Variants in ITGB8 observed in about 807,000 individuals in gnomAD.
ITGB8 encodes the protein integrin beta-8.
ITGB8 carries 30 observed loss-of-function variants against 89.5 expected under a neutral mutation model. The observed-to-expected ratio is 0.34, with a 90% CI of 0.25 to 0.45. ITGB8 has a LOEUF of 0.45. Among genes scored for constraint, ITGB8 ranks in the 20% least tolerant of loss-of-function variants. The probability of loss-of-function intolerance (pLI) is 1.00; values close to 1 mark genes in which losing one functional copy is unlikely to be tolerated. For synonymous variants in ITGB8, 335 were observed against 320.4 expected, an observed-to-expected ratio of 1.05 and a Z score of -0.49; for missense variants, 836 against 933.3, an observed-to-expected ratio of 0.90 and a Z score of 1.36.
At chr7:20,367,323 T>G (rs1785740836) in intron 3 of ITGB8, 137 bp downstream of exon 3, 1 of 698,540 alleles carries the variant, frequency 1.4e-6, no homozygotes, top group Non-Finnish European at 2.4e-6. Context: ...ATCAAGAAAT[T>G]AGAATTCTAG....
intron 6 of ITGB8, among the ~76,000 whole-genome samples, chr7:20,387,570 G>A (rs564409256): frequency 1.2e-4 from 18 of 152,184 alleles, no homozygotes; most frequent in Non-Finnish European, 2.2e-4. Flanking sequence ...CTCAACTGGA[G>A]TGATTTTACC....
chr7:20,376,125 CG>C (rs1230231897), intron 3 of ITGB8, among the ~76,000 whole-genome samples: 3 of 152,064 alleles, frequency 2.0e-5, no homozygotes, highest in Non-Finnish European at 4.4e-5. Context: ...CCATTAAGCA[CG>C]TGATGAAACT....
chr7:20,339,311 T>C (rs566034210), intron 1 of ITGB8, among the ~76,000 whole-genome samples: 1 of 152,290 alleles, frequency 6.6e-6, no homozygotes, highest in East Asian at 1.9e-4. Context: ...AATGACTATA[T>C]AGAAAAAGCA....
chr7:20,337,468 G>A (rs1209011369), intron 1 of ITGB8, among the ~76,000 whole-genome samples: 3 of 152,084 alleles, frequency 2.0e-5, no homozygotes, highest in Non-Finnish European at 2.9e-5. Flanking sequence ...ATTAAGTTTT[G>A]TGTATTATTT....
At chr7:20,358,810 TC>T (rs1197771673) in intron 1 of ITGB8, among the ~76,000 whole-genome samples, 1 of 152,212 alleles carries the variant, frequency 6.6e-6, no homozygotes, top group Non-Finnish European at 1.5e-5. Context: ...TGATCCGATC[TC>T]CCAGATACTA....
In ITGB8 at chr7:20,361,007, C is replaced by G. The variant is rs1785482922; in HGVS notation, c.128-2630C>G. ...GTTCCTTTTTTTTTCACAACCTTGC[C>G]AGCATCTGTTGTTTCTTGACTTTTT... On this transcript the variant is annotated intron_variant, in intron 1 of 13. Transcript: ENST00000222573. 2.0e-5 allele frequency among the ~76,000 whole-genome samples: 3 copies of G among 149,612 alleles called. No homozygotes were observed. The South Asian group carries it at 6.3e-4, about 32-fold the overall frequency.
chr7:20,404,519 T>A (rs545344205), intron 10 of ITGB8, 109 bp from the exon 11 acceptor site: 20 of 854,798 alleles, frequency 2.3e-5, no homozygotes, highest in Non-Finnish European at 3.8e-5. Flanking sequence ...TTCCCATTCA[T>A]TGGACTGTCA....
rs1283136330 is a variant in ITGB8 at position 20,414,900 on chromosome 7, C to T, written c.*4903C>T. On this transcript the variant is annotated 3_prime_UTR_variant, in exon 14 of 14. Coordinates refer to ENST00000222573, the MANE Select transcript of ITGB8 (RefSeq NM_002214.3). ...TTCTTCTAGCCTCTGCAACCTACTTCAGTTAGAATTGTCTAATACTGCTCT... is the reference window on the plus strand; with the variant it reads ...TTCTTCTAGCCTCTGCAACCTACTTTAGTTAGAATTGTCTAATACTGCTCT... 1.3e-5 allele frequency: 2 copies of T among 152,462 alleles called. No individual in the cohort carries two copies. The highest frequency in any genetic ancestry group is 2.9e-5 in the Non-Finnish European group (2 of 67,958). 9.4% of individuals were successfully genotyped at this position (152,462 alleles called of 1,614,324 possible).
At chr7:20,399,513 G>A (rs1361403918) in intron 9 of ITGB8, among the ~76,000 whole-genome samples, 1 of 151,350 alleles carries the variant, frequency 6.6e-6, no homozygotes, top group African/African-American at 2.4e-5. Flanking sequence ...TATCTAGAAG[G>A]AGGTAGGGAA....
intron 1 of ITGB8, among the ~76,000 whole-genome samples, chr7:20,344,408 G>A (rs976070995): frequency 1.3e-5 from 2 of 152,140 alleles, no homozygotes; most frequent in Admixed American, 1.3e-4. Flanking sequence ...TTTGCGAGAT[G>A]GTCTTAAAAT....
intron 3 of ITGB8, among the ~76,000 whole-genome samples, chr7:20,368,567 A>G (rs983225247): frequency 6.6e-5 from 10 of 152,074 alleles, no homozygotes; most frequent in African/African-American, 2.4e-4. Context: ...AAATATGCCT[A>G]TTTTTCTAAT....
chr7:20,411,237 C>T lies in ITGB8; in HGVS notation c.*1240C>T, dbSNP rs2127989748. 6.9e-6 allele frequency: 1 copy of T among 144,532 alleles called. No homozygotes were observed. The highest frequency in any genetic ancestry group is 2.1e-4 in the East Asian group (1 of 4,840). 9.0% of individuals were successfully genotyped at this position (144,532 alleles called of 1,614,324 possible). On this transcript the variant is annotated 3_prime_UTR_variant, in exon 14 of 14. Transcript: ENST00000222573. ...TGGCGCAATTAGGGTTCACTGCAACCTCTGCCTCCCGGGTTCAAGCAGTTC... is the reference window on the plus strand; with the variant it reads ...TGGCGCAATTAGGGTTCACTGCAACTTCTGCCTCCCGGGTTCAAGCAGTTC...
At chr7:20,332,198 G>A (rs1206141588) in intron 1 of ITGB8, among the ~76,000 whole-genome samples, 1 of 152,204 alleles carries the variant, frequency 6.6e-6, no homozygotes, top group African/African-American at 2.4e-5. Context: ...CTAATAGAAA[G>A]GAATTTTGGA....
chr7:20,395,058 GC>G lies in ITGB8; in HGVS notation c.1146+75del, dbSNP rs527430211. On this transcript the variant is annotated intron_variant, in intron 8 of 13. Coordinates refer to ENST00000222573, the MANE Select transcript of ITGB8 (RefSeq NM_002214.3). Reference sequence around the variant, plus strand: ...TTTCTGTGACAAGGTACAAAGTAGTGCCATGTCATCTCGAGAGGAGGAGTAG... The same window carrying G: ...TTTCTGTGACAAGGTACAAAGTAGTGCATGTCATCTCGAGAGGAGGAGTAG... The G allele has an allele frequency of 6.4e-4, 537 of 834,578 alleles. 4 individuals carry two copies. The African/African-American group carries it at 7.9e-3, about 12-fold the overall frequency. The allele number at this position is 834,578 out of a possible 1,614,324, so 51.7% of individuals were successfully genotyped here.
chr7:20,368,275 G>A (rs983486608), intron 3 of ITGB8, among the ~76,000 whole-genome samples: 2 of 152,156 alleles, frequency 1.3e-5, no homozygotes, highest in African/African-American at 4.8e-5. Context: ...TAAGATTATA[G>A]CTCTTCCCAC....
chr7:20,335,600 T>G (rs1438617676), intron 1 of ITGB8, among the ~76,000 whole-genome samples: 1 of 152,220 alleles, frequency 6.6e-6, no homozygotes, highest in Non-Finnish European at 1.5e-5. Context: ...AACCTTTTTA[T>G]CTCCTATTTT....
intron 10 of ITGB8, among the ~76,000 whole-genome samples, chr7:20,403,722 C>A (rs1787410800): frequency 6.8e-6 from 1 of 146,814 alleles, no homozygotes; most frequent in Non-Finnish European, 1.5e-5. Context: ...AGAGAGGGAG[C>A]TAAGAAAGGA....
upstream of ITGB8, among the ~76,000 whole-genome samples, chr7:20,329,945 G>A (rs550581604): frequency 3.3e-5 from 5 of 152,248 alleles, no homozygotes; most frequent in South Asian, 4.1e-4. Context: ...CACCCTACTT[G>A]CACCTAAATT....
chr7:20,361,497 G>A lies in ITGB8; in HGVS notation c.128-2140G>A, dbSNP rs573676118. 6.6e-5 allele frequency among the ~76,000 whole-genome samples: 10 copies of A among 152,248 alleles called. 1 individual carries two copies. The highest frequency in any genetic ancestry group is 4.1e-4 in the South Asian group (2 of 4,822). Reference sequence around the variant, plus strand: ...TGCTGTGTCCTTACATGATGGAAGCGCAGAAGCACAAAGAGAGCTAAAAGC... The same window carrying A: ...TGCTGTGTCCTTACATGATGGAAGCACAGAAGCACAAAGAGAGCTAAAAGC... On this transcript the variant is annotated intron_variant, in intron 1 of 13. Transcript: ENST00000222573.
Sources: allele counts gnomAD v4.1 joint callset (sites outside exome capture counted in the v4.1 genomes callset), GRCh38; gene constraint gnomAD v4.1.1; transcripts MANE v1.5; gene names NCBI Gene and HGNC (gene_info 2026-07-23, HGNC 2026-07-21).